The following PCDHA8 variants were observed in gnomAD, a reference collection of about 807,000 sequenced individuals.
PCDHA8 encodes protocadherin alpha-8.
In PCDHA8, 53 loss-of-function variants were observed where a neutral mutation model predicts 61.8. That is an observed-to-expected ratio of 0.86 (90% CI 0.69 to 1.08). PCDHA8 has a LOEUF of 1.08. Among genes scored for constraint, PCDHA8 ranks in the 50% least tolerant of loss-of-function variants. The pLI, the probability that PCDHA8 is intolerant of heterozygous loss-of-function variation, is 0.00. For missense variants in PCDHA8, 1,293 were observed against 1,245.0 expected (o/e 1.04, Z -0.58); for synonymous variants, 618 against 556.6 (o/e 1.11, Z -1.55).
At chr5:140,899,781 T>C (rs1187719719) in intron 1 of PCDHA8, among the ~76,000 whole-genome samples, 1 of 152,218 alleles carries the variant, frequency 6.6e-6, no homozygotes, top group Non-Finnish European at 1.5e-5. Context: ...TTACCTCTGG[T>C]ATAATTCGGC....
chr5:140,968,694 G>A, intron 1 of PCDHA8: 1 of 1,614,092 alleles, frequency 6.2e-7, no homozygotes, highest in Non-Finnish European at 8.5e-7. Flanking sequence ...GGAGAAATTA[G>A]GACTACCAGG....
rs2150530845 is a variant in PCDHA8, at chr5:140,853,328, T to C, written c.2394+9613T>C. 4.5e-5 allele frequency: 44 copies of C among 984,766 alleles called. 1 individual carries two copies. The highest frequency in any genetic ancestry group is 5.0e-5 in the Non-Finnish European group (41 of 817,224). The allele number at this position is 984,766 out of a possible 1,614,324, so 61.0% of individuals were successfully genotyped here. On this transcript the variant is annotated intron_variant, in intron 1 of 3. Coordinates refer to ENST00000531613, the MANE Select transcript of PCDHA8 (RefSeq NM_018911.3). ...AACACCTTAGTAATAAATTTATCTT[T>C]TGAGGTCATTAGCAAACATGAACTC...
intron 1 of PCDHA8, chr5:140,850,880 A>T (rs2150501340): frequency 6.3e-7 from 1 of 1,586,802 alleles, no homozygotes; most frequent in African/African-American, 1.4e-5. Flanking sequence ...CCTCAGATTC[A>T]ACTGGGAAGG....
chr5:140,943,006 C>A (rs1314561126), intron 1 of PCDHA8, among the ~76,000 whole-genome samples: 2 of 151,932 alleles, frequency 1.3e-5, no homozygotes, highest in East Asian at 3.9e-4. Flanking sequence ...CCTGTAATCC[C>A]AGCACTTTGG....
intron 1 of PCDHA8, among the ~76,000 whole-genome samples, chr5:140,922,214 C>T (rs1554200731): frequency 1.3e-5 from 2 of 152,004 alleles, no homozygotes; most frequent in African/African-American, 4.8e-5. Context: ...CTTTGTAAAA[C>T]ATTTGAACCT....
intron 1 of PCDHA8, chr5:140,858,328 G>A (rs782462952): frequency 3.1e-6 from 5 of 1,596,534 alleles, no homozygotes; most frequent in East Asian, 2.2e-5. Context: ...GTTCTGGGGA[G>A]GGCCTGCCCA....
In PCDHA8 at chr5:140,978,956, A is replaced by G; in HGVS notation, c.2402A>G (p.Gln801Arg). 3 of 1,614,194 alleles carry G rather than the reference A, an allele frequency of 1.9e-6. No individual in the cohort carries two copies. The highest frequency in any genetic ancestry group is 2.5e-6 in the Non-Finnish European group (3 of 1,180,026). ...CTCTTTGTGATTTTGCAGCCACGAC[A>G]GCCCAACCCTGACTGGCGTTACTCT... ...LNVDHGLKPR[Q>R]PNPDWRYSAS... Residue 801 changes from glutamine (Q) to arginine (R), a missense_variant, in exon 2 of 4, where the codon CAG becomes CGG. Transcript: ENST00000531613.
intron 1 of PCDHA8, chr5:140,865,473 G>C (rs1425429584): frequency 6.6e-6 from 1 of 152,122 alleles, no homozygotes; most frequent in African/African-American, 2.4e-5. Context: ...TAAACATTAA[G>C]GAAATCTTCA....
intron 1 of PCDHA8, chr5:140,967,492 G>T (rs1554229617): frequency 3.1e-6 from 5 of 1,613,380 alleles, no homozygotes; most frequent in Non-Finnish European, 4.2e-6. Flanking sequence ...GTACGGCACA[G>T]ATCTCTGTGC....
Position 140,842,124 on chromosome 5 carries a change from A to T in PCDHA8, c.803A>T (p.Asp268Val), listed in dbSNP as rs2150329759. The T allele has an allele frequency of 4.0e-5, 65 of 1,613,768 alleles. 1 individual carries two copies. The highest frequency in any genetic ancestry group is 2.8e-4 in the Admixed American group (17 of 59,988). ...GTTVIKLNAS[D>V]PDEGANGAIS... The stretch of plus-strand genomic sequence containing the variant: ...ACAGTTATCAAACTGAATGCTTCTG[A>T]TCCGGATGAAGGAGCCAATGGGGCA... Residue 268 changes from aspartate (D) to valine (V), a missense_variant, in exon 1 of 4, where the codon GAT (aspartate) becomes GTT (valine). Coordinates refer to ENST00000531613, the MANE Select transcript of PCDHA8 (RefSeq NM_018911.3).
chr5:140,869,392 G>C (rs372231398), intron 1 of PCDHA8: 24 of 1,614,164 alleles, frequency 1.5e-5, no homozygotes, highest in African/African-American at 1.5e-4. Flanking sequence ...GGAGCTGTGC[G>C]GGCAGAGCGC....
chr5:140,899,230 G>A (rs1487839667), intron 1 of PCDHA8, among the ~76,000 whole-genome samples: 4 of 152,058 alleles, frequency 2.6e-5, no homozygotes, highest in Admixed American at 6.5e-5. Flanking sequence ...ACACTATGTT[G>A]AATAGGAGTG....
At chr5:140,875,241 A>G (rs1176870557) in intron 1 of PCDHA8, 27 of 935,126 alleles carry the variant, frequency 2.9e-5, no homozygotes, top group Non-Finnish European at 3.8e-5. Context: ...TTGTACTTAC[A>G]TAATCAGTCA....
intron 1 of PCDHA8, chr5:140,871,648 T>G: frequency 7.8e-7 from 1 of 1,275,766 alleles, no homozygotes. Context: ...AAATACCAAA[T>G]GATACACATC....
intron 1 of PCDHA8, among the ~76,000 whole-genome samples, chr5:140,913,986 G>A (rs1326699020): frequency 1.3e-5 from 2 of 152,048 alleles, no homozygotes; most frequent in African/African-American, 4.8e-5. Context: ...GACTTGTATT[G>A]TGACTAGCAT....
rs575540619 is a variant in PCDHA8 at position 140,959,917 on chromosome 5, T to A, written c.2395-19032T>A. ...TTTATATCAGAAAAATCAAAGCCATTTGTAAAGCCCCATTACTTAGGCAGA... is the reference window on the plus strand; with the variant it reads ...TTTATATCAGAAAAATCAAAGCCATATGTAAAGCCCCATTACTTAGGCAGA... On this transcript the variant is annotated intron_variant, in intron 1 of 3. Transcript: ENST00000531613. 3.3e-5 allele frequency among the ~76,000 whole-genome samples: 5 copies of A among 152,296 alleles called. No homozygotes were observed. The East Asian group carries it at 9.6e-4, about 29-fold the overall frequency.
chr5:140,903,857 T>C (rs2070669832), intron 1 of PCDHA8, among the ~76,000 whole-genome samples: 1 of 152,172 alleles, frequency 6.6e-6, no homozygotes, highest in South Asian at 2.1e-4. Context: ...TAACAAATAA[T>C]ATAGAGTAAA....
chr5:140,872,919 A>G (rs1554166439), intron 1 of PCDHA8, among the ~76,000 whole-genome samples: 1 of 152,176 alleles, frequency 6.6e-6, no homozygotes, highest in Non-Finnish European at 1.5e-5. Flanking sequence ...GTAATGCCTT[A>G]TCTCTAATGT....
At chr5:140,875,277 G>T in intron 1 of PCDHA8, 1 of 1,315,080 alleles carries the variant, frequency 7.6e-7, no homozygotes, top group African/African-American at 1.5e-5. Context: ...CACTCAGAAG[G>T]TGAAACAGGA....
Sources: gnomAD v4.1 joint callset for allele counts (sites outside exome capture counted in the v4.1 genomes callset) on GRCh38, gnomAD v4.1.1 for gene constraint, MANE v1.5 for transcripts, NCBI Gene and HGNC (gene_info 2026-07-23, HGNC 2026-07-21) for gene names.